Variants in DNAH9 observed in about 807,000 individuals in gnomAD.
DNAH9 encodes the protein DNAH9 variant protein.
DNAH9 carries 345 observed loss-of-function variants against 471.6 expected under a neutral mutation model. That is an observed-to-expected ratio of 0.73 (90% CI 0.67 to 0.80). DNAH9 has a LOEUF of 0.80. DNAH9 is among the 30% of genes least tolerant of loss of function. The pLI is 0.00. For missense variants in DNAH9, 5,407 were observed against 5,609.2 expected, an observed-to-expected ratio of 0.96 and a Z score of 1.15; for synonymous variants, 2,093 against 2,123.6, an observed-to-expected ratio of 0.99 and a Z score of 0.40.
At chr17:11,931,869 CAGGCTGTAGTCTCGCTGT>C in intron 63 of DNAH9, 127 bp from the exon 64 acceptor site, 1 of 858,874 alleles carries the variant, frequency 1.2e-6, no homozygotes, top group Non-Finnish European at 1.9e-6. Context: ...ACGTTCCCCC[CAGGCTGTAGTCTCGCTGT>C]AACTCAAACC....
intron 59 of DNAH9, among the ~76,000 whole-genome samples, chr17:11,900,270 G>C (rs1973363147): frequency 6.6e-6 from 1 of 152,048 alleles, no homozygotes. Context: ...TAAGTGATCA[G>C]GGTGAAACTG....
chr17:11,822,443 T>G lies in DNAH9; in HGVS notation c.8856T>G (p.Thr2952=). The G allele has an allele frequency of 6.2e-7, 1 of 1,614,154 alleles. No homozygotes were observed. Among genetic ancestry groups the G allele is most frequent in the Non-Finnish European group, 8.5e-7 (1 of 1,180,018 alleles). The change falls in exon 47 of 69, where the codon ACT becomes ACG. Residue 2952 remains threonine, a synonymous_variant. Transcript: ENST00000262442. ...IDRIRRQLKV[T]LCFSPVGNKL... is the part of the protein sequence containing the mutation. ...CCACCCTTCTGACTTCTCAGGTGAC[T>G]CTCTGTTTCTCCCCTGTGGGAAACA...
chr17:11,968,551 G>A (rs1048379105), intron 68 of DNAH9, among the ~76,000 whole-genome samples: 68 of 152,294 alleles, frequency 4.5e-4, no homozygotes, highest in African/African-American at 1.5e-3. Context: ...GAAACACCAG[G>A]TTAAATAAAC....
At chr17:11,838,186 G>A (rs1197543411) in intron 49 of DNAH9, among the ~76,000 whole-genome samples, 1 of 152,162 alleles carries the variant, frequency 6.6e-6, no homozygotes, top group Non-Finnish European at 1.5e-5. Context: ...ACGGTAGGAA[G>A]TCACTTGATA....
At chr17:11,620,723 C>A (rs908841992) in intron 6 of DNAH9, among the ~76,000 whole-genome samples, 1 of 152,048 alleles carries the variant, frequency 6.6e-6, no homozygotes, top group Non-Finnish European at 1.5e-5. Flanking sequence ...CCTAGAAAGA[C>A]TGACACTGAG....
In DNAH9 at chr17:11,694,643, TTTCTCG is replaced by T. The variant is rs1470439062; in HGVS notation, c.4872+197_4872+202del. On this transcript the variant is annotated intron_variant, in intron 22 of 68. Transcript: ENST00000262442. ...CTTTCTTGCTTTCTTGCTTTCTTGCTTTCTCGCTTTCTCGCTTTCTCGCTTTCTCGC... is the reference window on the plus strand; with the variant it reads ...CTTTCTTGCTTTCTTGCTTTCTTGCTCTTTCTCGCTTTCTCGCTTTCTCGC... Among the ~76,000 whole-genome samples the T allele has an allele frequency of 1.2e-3, 3 of 2,542 alleles. 1 individual carries two copies. Among genetic ancestry groups the T allele is most frequent in the African/African-American group, 1.6e-3 (3 of 1,864 alleles). 1.7% of individuals were successfully genotyped at this position (2,542 alleles called of 152,430 possible).
intron 44 of DNAH9, among the ~76,000 whole-genome samples, chr17:11,809,503 C>G (rs1382379795): frequency 6.6e-6 from 1 of 151,976 alleles, no homozygotes; most frequent in Non-Finnish European, 1.5e-5. Flanking sequence ...AGAGGCGGAG[C>G]TTGCAGTGAG....
At chr17:11,952,306 A>ATTTT (rs1567572771) in intron 67 of DNAH9, among the ~76,000 whole-genome samples, 2 of 93,112 alleles carry the variant, frequency 2.1e-5, no homozygotes, top group East Asian at 2.9e-4. Flanking sequence ...CACCCAGCTA[A>ATTTT]TTCTTTTTTT....
chr17:11,904,910 T>C (rs983738783), intron 60 of DNAH9, among the ~76,000 whole-genome samples: 36 of 151,000 alleles, frequency 2.4e-4, no homozygotes, highest in African/African-American at 7.6e-4. Context: ...GTAAGTGGAG[T>C]GAGATGAAAG....
chr17:11,622,538 C>T (rs2072889343), intron 6 of DNAH9, among the ~76,000 whole-genome samples: 2 of 152,086 alleles, frequency 1.3e-5, no homozygotes, highest in Admixed American at 1.3e-4. Context: ...AACGAATTTC[C>T]ATCACTGCCT....
At chr17:11,898,436 A>G (rs1973294826) in intron 59 of DNAH9, among the ~76,000 whole-genome samples, 2 of 152,144 alleles carry the variant, frequency 1.3e-5, no homozygotes, top group Admixed American at 6.5e-5. Context: ...CGTTTCTTAT[A>G]AGGCCACCAG....
At chr17:11,746,346 C>A (rs190111506) in intron 31 of DNAH9, among the ~76,000 whole-genome samples, 59 of 152,186 alleles carry the variant, frequency 3.9e-4, no homozygotes, top group African/African-American at 1.3e-3. Context: ...CTGCAGACAC[C>A]CTTTGTCTTC....
chr17:11,700,934 G>A (rs967376628), intron 23 of DNAH9, among the ~76,000 whole-genome samples, 188 bp from the exon 24 acceptor site: 1 of 152,058 alleles, frequency 6.6e-6, no homozygotes, highest in African/African-American at 2.4e-5. Context: ...ATTAAGTCTG[G>A]GTCTCACTTA....
intron 36 of DNAH9, 69 bp downstream of exon 36, chr17:11,763,683 A>C (rs1187177365): frequency 6.9e-7 from 1 of 1,440,212 alleles, no homozygotes; most frequent in African/African-American, 1.4e-5. Context: ...CCTTTAGCAA[A>C]GATTTGGAAG....
At chr17:11,762,935 G>A (rs974247357) in intron 35 of DNAH9, among the ~76,000 whole-genome samples, 18 of 151,478 alleles carry the variant, frequency 1.2e-4, no homozygotes, top group East Asian at 2.0e-4. Flanking sequence ...GCCCGCCACC[G>A]TGCCCGGCTA....
chr17:11,640,467 T>C, intron 10 of DNAH9, 83 bp downstream of exon 10: 1 of 947,370 alleles, frequency 1.1e-6, no homozygotes, highest in Non-Finnish European at 1.7e-6. Flanking sequence ...AAATGCAACC[T>C]GCTTAACGAA....
chr17:11,687,376 C>T (rs1445730057), intron 19 of DNAH9, among the ~76,000 whole-genome samples: 1 of 152,176 alleles, frequency 6.6e-6, no homozygotes, highest in Non-Finnish European at 1.5e-5. Flanking sequence ...GGCAATTAGG[C>T]TTAAGTGGTA....
intron 32 of DNAH9, among the ~76,000 whole-genome samples, chr17:11,747,987 T>A (rs1237983092): frequency 6.6e-6 from 1 of 152,060 alleles, no homozygotes; most frequent in Non-Finnish European, 1.5e-5. Flanking sequence ...CTCTTCCAGC[T>A]GCCTTTTAGA....
chr17:11,961,171 C>T (rs978356699), intron 67 of DNAH9, among the ~76,000 whole-genome samples: 4 of 151,796 alleles, frequency 2.6e-5, no homozygotes, highest in Non-Finnish European at 4.4e-5. Context: ...AAAAATTAGC[C>T]GGGTGTGGTG....
Sources: allele counts gnomAD v4.1 joint callset (sites outside exome capture counted in the v4.1 genomes callset), GRCh38; gene constraint gnomAD v4.1.1; transcripts MANE v1.5; gene names NCBI Gene and HGNC (gene_info 2026-07-23, HGNC 2026-07-21).